The following KCNA3 variants were observed in gnomAD, a reference collection of about 807,000 sequenced individuals.
The protein encoded by KCNA3 is potassium voltage-gated channel subfamily A member 3.
In KCNA3, 18 loss-of-function variants were observed where a neutral mutation model predicts 34.3. The observed-to-expected ratio is 0.52, with a 90% confidence interval of 0.36 to 0.78. KCNA3 has a LOEUF of 0.78. KCNA3 is among the 30% of genes least tolerant of loss of function. The pLI is 0.00. For missense variants in KCNA3, 587 were observed against 802.5 expected (o/e 0.73, Z 3.24); for synonymous variants, 324 against 351.7 (o/e 0.92, Z 0.88).
At chr1:110,671,358 G>T (rs1468752567), downstream of KCNA3, among the ~76,000 whole-genome samples, 1 of 152,226 alleles carries the variant, frequency 6.6e-6, no homozygotes, top group Non-Finnish European at 1.5e-5. Flanking sequence ...AAGACACCAA[G>T]CATGTAACTA....
the KCNA3 span, among the ~76,000 whole-genome samples, chr1:110,666,953 T>G: frequency 2.4e-4 from 37 of 152,220 alleles, no homozygotes; most frequent in African/African-American, 8.2e-4. Flanking sequence ...ACATACAGAA[T>G]GAAAACCAAT....
chr1:110,659,324 T>G, the KCNA3 span, among the ~76,000 whole-genome samples: 1 of 152,266 alleles, frequency 6.6e-6, no homozygotes. Flanking sequence ...TTTTTAGCAT[T>G]CTTCATCTCT....
rs1189487580 is a variant in KCNA3 at position 110,674,586 on chromosome 1, T to G, written c.224A>C (p.Gln75Pro). 5.1e-6 allele frequency: 8 copies of G among 1,572,006 alleles called. No individual in the cohort carries two copies. Among genetic ancestry groups the G allele is most frequent in the Non-Finnish European group, 6.0e-6 (7 of 1,161,878 alleles). Residue 75 changes from glutamine to proline, a missense_variant, in exon 1 of 1, where the codon CAA becomes CCA. Around this residue, in one of 7 missense-constraint regions of KCNA3, gnomAD observed 341 missense variants for 355.4 expected, o/e 0.96. Transcript: ENST00000369769. This position sits in a 1 kb window ranked among gnomAD's most constrained non-coding sequence, Gnocchi z 6.4. Reference protein sequence around the residue: ...EVADGGGAPPQGGCGGGGCDR... With the variant: ...EVADGGGAPPPGGCGGGGCDR... ...GCAGCCGCCGCCGCCACAGCCGCCTTGAGGCGGGGCCCCTCCACCATCGGC... is the reference window on the plus strand; with the variant it reads ...GCAGCCGCCGCCGCCACAGCCGCCTGGAGGCGGGGCCCCTCCACCATCGGC...
At position 110,674,164 on chromosome 1, in the gene KCNA3, A is replaced by G; in HGVS notation, c.646T>C (p.Phe216Leu). Residue 216 changes from phenylalanine (F) to leucine (L), a missense_variant, in exon 1 of 1, where the codon TTC becomes CTC. Phe to Leu is a conservative substitution (Grantham distance 22). Coordinates refer to ENST00000369769, the MANE Select transcript of KCNA3 (RefSeq NM_002232.5). The surrounding 1 kb of genome is among the most constrained non-coding windows in gnomAD (Gnocchi z 6.4). ...EEERPLPRRD[F>L]QRQVWLLFEY... is the part of the protein sequence containing the mutation. ...AAGAGCAGCCACACCTGGCGCTGGA[A>G]GTCGCGGCGGGGCAAGGGCCGCTCC... is the stretch of plus-strand genomic sequence containing the variant. The G allele has an allele frequency of 6.2e-7, 1 of 1,613,402 alleles. No homozygotes were observed.
downstream of KCNA3, among the ~76,000 whole-genome samples, chr1:110,671,724 C>T (rs1337210672): frequency 2.0e-5 from 3 of 152,014 alleles, no homozygotes; most frequent in East Asian, 5.8e-4. Flanking sequence ...AGTAAGGTTT[C>T]AGGCACACTG....
chr1:110,660,238 T>TTTGGA, the KCNA3 span, among the ~76,000 whole-genome samples: 2 of 152,218 alleles, frequency 1.3e-5, no homozygotes, highest in African/African-American at 2.4e-5. Flanking sequence ...TTTTGGAGTA[T>TTTGGA]GCTGAAATTA....
At chr1:110,660,008 A>T in the KCNA3 span, among the ~76,000 whole-genome samples, 1 of 152,160 alleles carries the variant, frequency 6.6e-6, no homozygotes, top group Non-Finnish European at 1.5e-5. Context: ...GGGTGCAGCA[A>T]ACCAACATGA....
chr1:110,664,029 T>A, the KCNA3 span, among the ~76,000 whole-genome samples: 1 of 152,240 alleles, frequency 6.6e-6, no homozygotes, highest in African/African-American at 2.4e-5. Context: ...GTAATGTGAT[T>A]CACTAGTGAA....
the KCNA3 span, among the ~76,000 whole-genome samples, chr1:110,658,604 CT>C: frequency 1.3e-5 from 2 of 151,686 alleles, no homozygotes; most frequent in Non-Finnish European, 1.5e-5. Flanking sequence ...CCAACTAAAA[CT>C]TTTTTTTAAT....
chr1:110,669,868 G>A (rs1215375658), downstream of KCNA3, among the ~76,000 whole-genome samples: 1 of 152,124 alleles, frequency 6.6e-6, no homozygotes, highest in Non-Finnish European at 1.5e-5. Flanking sequence ...CTGATTACTT[G>A]TGTATTTCAT....
the KCNA3 span, among the ~76,000 whole-genome samples, chr1:110,665,751 A>G: frequency 1.3e-5 from 2 of 152,212 alleles, no homozygotes; most frequent in Non-Finnish European, 2.9e-5. Context: ...GAGAGGTAGA[A>G]AGAAAATCCA....
At chr1:110,654,200 A>G in the KCNA3 span, 2 of 152,332 alleles carry the variant, frequency 1.3e-5, no homozygotes, top group South Asian at 4.1e-4. Context: ...GAGAAATTTT[A>G]CTAAATATTT....
At position 110,674,375 on chromosome 1, in the gene KCNA3, G is replaced by A. The variant is rs201979735; in HGVS notation, c.435C>T (p.Asn145=). 1.1e-5 allele frequency: 17 copies of A among 1,614,168 alleles called. No homozygotes were observed. In the Admixed American group the frequency reaches 2.0e-4, roughly 19 times the overall value. ...GCCGGTTGCGGTCGAAGAAGTACTCGTTGCGGAGCGGGTCGAAGTACCTCA... is the reference window on the plus strand; with the variant it reads ...GCCGGTTGCGGTCGAAGAAGTACTCATTGCGGAGCGGGTCGAAGTACCTCA... ...RRMRYFDPLR[N]EYFFDRNRPS... is the part of the protein sequence containing the mutation. The change falls in exon 1 of 1, where the codon AAC becomes AAT. Residue 145 remains asparagine (N), a synonymous_variant. Coordinates refer to ENST00000369769, the MANE Select transcript of KCNA3 (RefSeq NM_002232.5). The surrounding 1 kb of genome is among the most constrained non-coding windows in gnomAD (Gnocchi z 6.4).
chr1:110,671,762 G>A (rs1197425437), downstream of KCNA3, among the ~76,000 whole-genome samples: 1 of 152,084 alleles, frequency 6.6e-6, no homozygotes, highest in Non-Finnish European at 1.5e-5. Context: ...CTTATGTACA[G>A]AACACTTTTA....
At chr1:110,660,558 C>T in the KCNA3 span, among the ~76,000 whole-genome samples, 2 of 151,982 alleles carry the variant, frequency 1.3e-5, no homozygotes, top group African/African-American at 4.8e-5. Flanking sequence ...CTGAGAAAAC[C>T]ATGTTCTATG....
chr1:110,665,944 G>A, the KCNA3 span, among the ~76,000 whole-genome samples: 2 of 152,172 alleles, frequency 1.3e-5, no homozygotes. Flanking sequence ...CGGGGTGAGA[G>A]CCTTTTGGAG....
the KCNA3 span, among the ~76,000 whole-genome samples, chr1:110,666,752 C>T: frequency 6.6e-6 from 1 of 151,790 alleles, no homozygotes; most frequent in African/African-American, 2.4e-5. Flanking sequence ...CCTGGCAGTG[C>T]CACAGTAAAG....
the KCNA3 span, among the ~76,000 whole-genome samples, chr1:110,666,576 G>T: frequency 3.2e-3 from 490 of 152,226 alleles, 2 homozygotes; most frequent in South Asian, 0.02. Context: ...GACCCTGAAA[G>T]AATTTTAAGT....
downstream of KCNA3, among the ~76,000 whole-genome samples, chr1:110,669,779 T>C (rs898504989): frequency 6.6e-6 from 1 of 152,176 alleles, no homozygotes; most frequent in Non-Finnish European, 1.5e-5. Context: ...CCTTGCGGAG[T>C]TGACAAGTGT....
Sources: gnomAD v4.1 joint callset for allele counts (sites outside exome capture counted in the v4.1 genomes callset) on GRCh38, gnomAD v4.1.1 for gene constraint, gnomAD v4.1.1 regional missense constraint, Gnocchi (gnomAD v3.1) non-coding constraint, MANE v1.5 for transcripts, NCBI Gene and HGNC (gene_info 2026-07-23, HGNC 2026-07-21) for gene names.